The following CACNA1A variants were observed in gnomAD, a reference collection of about 807,000 sequenced individuals.
CACNA1A encodes calcium voltage-gated channel subunit alpha1 A, also known as voltage-dependent P/Q-type calcium channel subunit alpha-1A.
In CACNA1A, 57 loss-of-function variants were observed where a neutral mutation model predicts 262.4. That is an observed-to-expected ratio of 0.22 (90% CI 0.18 to 0.27). The LOEUF (loss-of-function observed/expected upper bound fraction) is 0.27. Ranked by LOEUF, CACNA1A falls within the 10% of genes least tolerant of loss-of-function variation. The pLI is 1.00. For missense variants in CACNA1A, 2,526 were observed against 3,562.8 expected (o/e 0.71, Z 7.41); for synonymous variants, 1,431 against 1,419.3 (o/e 1.01, Z -0.18).
chr19:13,432,974 C>T (rs2060540394), intron 3 of CACNA1A, among the ~76,000 whole-genome samples: 1 of 151,616 alleles, frequency 6.6e-6, no homozygotes, highest in Non-Finnish European at 1.5e-5. Context: ...GCTTGGGCAA[C>T]ATAGCAAGAC....
intron 3 of CACNA1A, among the ~76,000 whole-genome samples, chr19:13,394,689 G>A (rs997454017): frequency 7.2e-5 from 11 of 152,106 alleles, no homozygotes; most frequent in African/African-American, 2.4e-4. Flanking sequence ...TGGGAGGTGG[G>A]CGCCTATACC....
intron 1 of CACNA1A, among the ~76,000 whole-genome samples, chr19:13,496,118 G>A (rs1325157697): frequency 1.3e-5 from 2 of 151,420 alleles, no homozygotes. Flanking sequence ...AACTGCAGAG[G>A]ATGCCTCCAT....
At chr19:13,373,609 C>G (rs1353461178) in intron 3 of CACNA1A, among the ~76,000 whole-genome samples, 1 of 152,194 alleles carries the variant, frequency 6.6e-6, no homozygotes, top group East Asian at 1.9e-4. Context: ...CCCACCTCCC[C>G]TCTCCTTCTC....
chr19:13,214,197 C>A lies in CACNA1A; in HGVS notation c.5940+36G>T. On this transcript the variant is annotated intron_variant, in intron 40 of 46. Coordinates refer to ENST00000360228, the MANE Select transcript of CACNA1A (RefSeq NM_001127222.2). This position sits in a 1 kb window ranked among gnomAD's most constrained non-coding sequence, Gnocchi z 4.1. The stretch of plus-strand genomic sequence containing the variant: ...CGTGGTGACATGCAAGCCACTGTCC[C>A]CAGCCCAGATGTCCCCAGAGCGGCG... The A allele has an allele frequency of 6.5e-7, 1 of 1,547,278 alleles. No individual in the cohort carries two copies. Among genetic ancestry groups the A allele is most frequent in the African/African-American group, 1.4e-5 (1 of 73,858 alleles).
chr19:13,415,935 G>A (rs936403505), intron 3 of CACNA1A, among the ~76,000 whole-genome samples: 12 of 151,856 alleles, frequency 7.9e-5, no homozygotes, highest in African/African-American at 2.9e-4. Flanking sequence ...GTCTTCTACT[G>A]CACTGTGCTG....
intron 30 of CACNA1A, among the ~76,000 whole-genome samples, chr19:13,252,262 CA>C (rs1042314499): frequency 1.3e-5 from 2 of 150,646 alleles, no homozygotes; most frequent in Non-Finnish European, 3.0e-5. Context: ...TTTGTAGGGA[CA>C]GGGGCTTGCT....
chr19:13,477,830 A>T (rs887416522), intron 1 of CACNA1A, among the ~76,000 whole-genome samples: 13 of 152,126 alleles, frequency 8.5e-5, no homozygotes, highest in Non-Finnish European at 1.5e-5. Context: ...CCGCCTTTCC[A>T]TTATGCAACT....
In CACNA1A at chr19:13,299,151, G is replaced by C; in HGVS notation, c.2482C>G (p.Gln828Glu). The change falls in exon 19 of 47, where the codon CAG becomes GAG. Residue 828 changes from glutamine (Q) to glutamate (E), a missense_variant. By Grantham distance (29) the Gln-to-Glu change is conservative. Coordinates refer to ENST00000360228, the MANE Select transcript of CACNA1A (RefSeq NM_001127222.2). Reference protein sequence around the residue: ...HLDRPLVVDPQENRNNNTNKS... With the variant: ...HLDRPLVVDPEENRNNNTNKS... The stretch of plus-strand genomic sequence containing the variant: ...TTGGTGTTGTTGTTGCGGTTCTCCT[G>C]CGGGTCCACCACCAGCGGCCGGTCC... 1 of 1,613,328 alleles carries C rather than the reference G, an allele frequency of 6.2e-7. No individual in the cohort carries two copies.
chr19:13,259,617 C>A lies in CACNA1A; in HGVS notation c.4335G>T (p.Val1445=). The A allele has an allele frequency of 1.2e-6, 2 of 1,610,692 alleles. No homozygotes were observed. The highest frequency in any genetic ancestry group is 4.5e-5 in the East Asian group (2 of 44,830). ...WKKYEFHYDN[V]LWALLTLFTV... ...TGAAGAGGGTCAGCAGAGCCCACAGCACATTGTCGTAATGGAATTCATACT... is the reference window on the plus strand; with the variant it reads ...TGAAGAGGGTCAGCAGAGCCCACAGAACATTGTCGTAATGGAATTCATACT... The change falls in exon 27 of 47, where the codon GTG becomes GTT. Residue 1445 remains valine, a synonymous_variant. Transcript: ENST00000360228.
intron 6 of CACNA1A, among the ~76,000 whole-genome samples, chr19:13,337,441 T>G (rs2058595664): frequency 6.6e-6 from 1 of 152,162 alleles, no homozygotes; most frequent in South Asian, 2.1e-4. Flanking sequence ...TGCCAAAATC[T>G]CCCCTTTTTA....
intron 31 of CACNA1A, among the ~76,000 whole-genome samples, chr19:13,240,117 C>T (rs1489165623): frequency 2.1e-5 from 3 of 145,864 alleles, no homozygotes; most frequent in African/African-American, 5.2e-5. Flanking sequence ...TGCCACTGCA[C>T]GCCAGCCTGG....
intron 10 of CACNA1A, among the ~76,000 whole-genome samples, chr19:13,322,000 G>A (rs2058264669): frequency 2.0e-5 from 3 of 151,982 alleles, no homozygotes; most frequent in Non-Finnish European, 4.4e-5. Flanking sequence ...TCAGGAGTTC[G>A]AGACCAGCCT....
intron 30 of CACNA1A, among the ~76,000 whole-genome samples, chr19:13,247,472 T>C (rs1039816847): frequency 6.6e-6 from 1 of 152,056 alleles, no homozygotes; most frequent in African/African-American, 2.4e-5. Context: ...TGTGGGCGGA[T>C]CACGAGGTCA....
chr19:13,228,809 A>T (rs371000214), intron 36 of CACNA1A: 1 of 1,508,820 alleles, frequency 6.6e-7, no homozygotes, highest in Non-Finnish European at 9.1e-7. Context: ...AAAGGAGAAG[A>T]AAGGGGGTTA....
chr19:13,498,921 C>G (rs886101854), intron 1 of CACNA1A, among the ~76,000 whole-genome samples: 3 of 152,104 alleles, frequency 2.0e-5, no homozygotes, highest in Admixed American at 6.5e-5. Context: ...GAAGGGTCAC[C>G]CTACTCAGAT....
chr19:13,485,767 G>A (rs576641245), intron 1 of CACNA1A, among the ~76,000 whole-genome samples: 1 of 152,334 alleles, frequency 6.6e-6, no homozygotes, highest in African/African-American at 2.4e-5. Context: ...CCACCGGCAG[G>A]AGTGTAAATT....
chr19:13,238,806 C>A (rs529095584), intron 31 of CACNA1A, among the ~76,000 whole-genome samples: 2 of 152,182 alleles, frequency 1.3e-5, no homozygotes, highest in South Asian at 4.2e-4. Flanking sequence ...AGGCTGGTCT[C>A]GAACTCCTGA....
intron 6 of CACNA1A, among the ~76,000 whole-genome samples, chr19:13,349,032 A>AGAGAGC (rs2058851492): frequency 7.2e-6 from 1 of 138,192 alleles, no homozygotes; most frequent in African/African-American, 3.0e-5. Context: ...AAAAAAAGAG[A>AGAGAGC]GACAAAGAGA....
At chr19:13,281,972 C>T (rs998413095) in intron 22 of CACNA1A, among the ~76,000 whole-genome samples, 5 of 152,224 alleles carry the variant, frequency 3.3e-5, no homozygotes, top group East Asian at 1.9e-4. Flanking sequence ...AGCATCCTCG[C>T]GTCAGCAGGG....
Sources: gnomAD v4.1 joint callset for allele counts (sites outside exome capture counted in the v4.1 genomes callset) on GRCh38, gnomAD v4.1.1 for gene constraint, Gnocchi (gnomAD v3.1) non-coding constraint, MANE v1.5 for transcripts, NCBI Gene and HGNC (gene_info 2026-07-23, HGNC 2026-07-21) for gene names.